Variants in CD163L1 observed in about 807,000 individuals in gnomAD.
The protein encoded by CD163L1 is CD163 molecule like 1.
CD163L1 carries 124 observed loss-of-function variants against 165.4 expected under a neutral mutation model. The ratio of observed to expected loss-of-function variants is 0.75; its 90% confidence interval spans 0.65 to 0.87. The LOEUF (loss-of-function observed/expected upper bound fraction) is 0.87, where lower values mean the gene tolerates loss of function less well. CD163L1 is among the 40% of genes least tolerant of loss of function. The pLI, the probability that CD163L1 is intolerant of heterozygous loss-of-function variation, is 0.00. For synonymous variants in CD163L1, 585 were observed against 662.2 expected (o/e 0.88, Z 1.79); for missense variants, 1,525 against 1,799.9 (o/e 0.85, Z 2.76).
the CD163L1 span, chr12:7,322,594 G>A: frequency 6.5e-7 from 1 of 1,549,636 alleles, no homozygotes; most frequent in Admixed American, 2.0e-5. Context: ...TTCTGCCCCA[G>A]GTTTTTCAAC....
Position 7,398,660 on chromosome 12 carries a change from T to TC in CD163L1, c.1409-77_1409-76insG. ...CAGAAGACTGAAAAGACTCTCTAAA[T>TC]TCACGACTATAAGGCTTTGCCTAAC... On this transcript the variant is annotated intron_variant, in intron 6 of 19. Transcript: ENST00000313599. This position sits in a 1 kb window ranked among gnomAD's most constrained non-coding sequence, Gnocchi z 4.5. 1 of 1,287,768 alleles carries TC rather than the reference T, an allele frequency of 7.8e-7. No individual in the cohort carries two copies. The highest frequency in any genetic ancestry group is 1.1e-6 in the Non-Finnish European group (1 of 941,420). 79.8% of individuals were successfully genotyped at this position (1,287,768 alleles called of 1,614,324 possible). A position where few individuals can be genotyped will look rare whatever the true frequency, so the allele number is the denominator to read the frequency against.
At chr12:7,345,653 C>A (rs1946665123), downstream of CD163L1, among the ~76,000 whole-genome samples, 1 of 152,188 alleles carries the variant, frequency 6.6e-6, no homozygotes, top group Admixed American at 6.5e-5. Context: ...AGCAATGCCC[C>A]ACTCCACAGC....
chr12:7,393,136 C>G lies in CD163L1; in HGVS notation c.2050+2959G>C, dbSNP rs775022828. Among the ~76,000 whole-genome samples, 14 of 152,232 alleles carry G rather than the reference C, an allele frequency of 9.2e-5. No individual in the cohort carries two copies. In the East Asian group the frequency reaches 2.7e-3, roughly 29 times the overall value. On this transcript the variant is annotated intron_variant, in intron 8 of 19. Transcript: ENST00000313599. Reference sequence around the variant, plus strand: ...CAAAACAAAAAAAGGGAATTTTAAACCAATAACCCTAATGAACATCGATGC... The same window carrying G: ...CAAAACAAAAAAAGGGAATTTTAAAGCAATAACCCTAATGAACATCGATGC...
At chr12:7,431,480 T>A (rs1030623070) in intron 4 of CD163L1, among the ~76,000 whole-genome samples, 83 of 152,054 alleles carry the variant, frequency 5.5e-4, no homozygotes, top group African/African-American at 1.9e-3. Flanking sequence ...AGTATAATCA[T>A]TTCCATCTGG....
the CD163L1 span, among the ~76,000 whole-genome samples, chr12:7,325,225 A>G: frequency 6.6e-6 from 1 of 152,268 alleles, no homozygotes; most frequent in African/African-American, 2.4e-5. Context: ...AAGTTAGGGT[A>G]ATACTCCATA....
chr12:7,394,095 A>T (rs965833008), intron 8 of CD163L1, among the ~76,000 whole-genome samples: 26 of 148,082 alleles, frequency 1.8e-4, no homozygotes, highest in Non-Finnish European at 3.2e-4. Flanking sequence ...GGAACCAAAA[A>T]AAAACAAAAA....
Position 7,374,393 on chromosome 12 carries a change from A to AGTGTGTGCAC in CD163L1, c.3409+39_3409+48dup, listed in dbSNP as rs755002955. On this transcript the variant is annotated intron_variant, in intron 13 of 19. Transcript: ENST00000313599. This position sits in a 1 kb window ranked among gnomAD's most constrained non-coding sequence, Gnocchi z 5.4. Reference sequence around the variant, plus strand: ...TTTACAATTGTGTTGTGTGTGTGCAAGTGTGTGCACGTGTGTGTAGAGGAG... The same window carrying AGTGTGTGCAC: ...TTTACAATTGTGTTGTGTGTGTGCAAGTGTGTGCACGTGTGTGCACGTGTGTGTAGAGGAG... The AGTGTGTGCAC allele has an allele frequency of 2.0e-5, 30 of 1,530,846 alleles. No individual in the cohort carries two copies. Among genetic ancestry groups the AGTGTGTGCAC allele is most frequent in the Non-Finnish European group, 2.7e-5 (30 of 1,130,808 alleles). The allele number at this position is 1,530,846 out of a possible 1,614,324, so 94.8% of individuals were successfully genotyped here. A position where few individuals can be genotyped will look rare whatever the true frequency, so the allele number is the denominator to read the frequency against.
chr12:7,363,528 T>G (rs1946950169), intron 18 of CD163L1, among the ~76,000 whole-genome samples: 1 of 151,946 alleles, frequency 6.6e-6, no homozygotes, highest in Admixed American at 6.6e-5. Context: ...TTGATAAACC[T>G]TTAGCTGGAC....
chr12:7,416,725 T>C (rs973178552), intron 4 of CD163L1, among the ~76,000 whole-genome samples: 3 of 152,130 alleles, frequency 2.0e-5, no homozygotes, highest in African/African-American at 7.2e-5. Context: ...ATCAGATGGT[T>C]GTAGGTGTGT....
At chr12:7,324,689 T>G in the CD163L1 span, 269 of 1,359,976 alleles carry the variant, frequency 2.0e-4, no homozygotes, top group African/African-American at 3.5e-3. Flanking sequence ...GAGAGGTCAA[T>G]CTATTAATTC....
chr12:7,443,663 A>G (rs1591979932), intron 1 of CD163L1, among the ~76,000 whole-genome samples: 1 of 152,226 alleles, frequency 6.6e-6, no homozygotes, highest in Non-Finnish European at 1.5e-5. Flanking sequence ...TAAGTCAGTT[A>G]GTCCTTATAA....
intron 7 of CD163L1, among the ~76,000 whole-genome samples, chr12:7,397,441 GCTGT>G (rs1658164918): frequency 1.3e-5 from 2 of 152,184 alleles, no homozygotes; most frequent in South Asian, 2.1e-4. Flanking sequence ...CAAGATGTCT[GCTGT>G]CTAAGTGAGG....
the CD163L1 span, among the ~76,000 whole-genome samples, chr12:7,325,011 A>G: frequency 6.6e-6 from 1 of 152,170 alleles, no homozygotes; most frequent in Non-Finnish European, 1.5e-5. Context: ...CTCCAGGTGT[A>G]TACACCTTAG....
chr12:7,396,010 A>C, intron 8 of CD163L1, 85 bp downstream of exon 8: 2 of 1,095,170 alleles, frequency 1.8e-6, no homozygotes, highest in Non-Finnish European at 2.6e-6. Flanking sequence ...GCACTCGGTC[A>C]TAAATGTACT....
In CD163L1 at chr12:7,403,834, C is replaced by T. The variant is rs1018713007; in HGVS notation, c.1109G>A (p.Arg370Gln). The change falls in exon 6 of 20, where the codon CGA becomes CAA. Residue 370 changes from arginine (R) to glutamine (Q), a missense_variant. By Grantham distance (43) the Arg-to-Gln change is conservative. Transcript: ENST00000313599. ...ICSDGADLEL[R>Q]LADGSNNCSG... ...ACAATTGTTACTTCCATCTGCTAGT[C>T]GCAGTTCCAAATCTGCTCCATCTAG... 1.9e-6 allele frequency: 3 copies of T among 1,613,256 alleles called. No homozygotes were observed. Among genetic ancestry groups the T allele is most frequent in the Middle Eastern group, 1.7e-4 (1 of 6,054 alleles).
intron 2 of CD163L1, chr12:7,439,054 T>C (rs1416382946): frequency 6.3e-7 from 1 of 1,589,502 alleles, no homozygotes; most frequent in Non-Finnish European, 8.5e-7. Context: ...TGGCACTGTC[T>C]AGGGGCTTCT....
the CD163L1 span, chr12:7,322,293 T>G: frequency 7.5e-7 from 1 of 1,333,702 alleles, no homozygotes; most frequent in Non-Finnish European, 1.1e-6. Context: ...AAGTATTTGT[T>G]GAATGAACTT....
chr12:7,399,253 CTT>C (rs796706242), intron 6 of CD163L1, among the ~76,000 whole-genome samples: 3 of 147,276 alleles, frequency 2.0e-5, no homozygotes, highest in Admixed American at 6.9e-5. Flanking sequence ...CTTTCTCTCT[CTT>C]CTTTCCTCTC....
chr12:7,321,337 C>T, the CD163L1 span, among the ~76,000 whole-genome samples: 4 of 152,158 alleles, frequency 2.6e-5, no homozygotes. Flanking sequence ...TATGAACATC[C>T]AGTAGAGTTG....
Sources: gnomAD v4.1 joint callset for allele counts (sites outside exome capture counted in the v4.1 genomes callset) on GRCh38, gnomAD v4.1.1 for gene constraint, Gnocchi (gnomAD v3.1) non-coding constraint, MANE v1.5 for transcripts, NCBI Gene and HGNC (gene_info 2026-07-23, HGNC 2026-07-21) for gene names.